EVC2: variants seen among roughly 807,000 people sequenced by gnomAD.
EVC2 encodes the protein EvC ciliary complex subunit 2, also known as limbin.
In EVC2, 148 loss-of-function variants were observed where a neutral mutation model predicts 149.3. That is an observed-to-expected ratio of 0.99 (90% confidence interval 0.87 to 1.14). The LOEUF (loss-of-function observed/expected upper bound fraction) is 1.14, where lower values mean the gene tolerates loss of function less well. Among genes scored for constraint, EVC2 ranks in the 50% most tolerant of loss-of-function variants. The pLI, the probability that EVC2 is intolerant of heterozygous loss-of-function variation, is 0.00. For missense variants in EVC2, 1,854 were observed against 1,627.3 expected (o/e 1.14, Z -2.40); for synonymous variants, 776 against 649.9 (o/e 1.19, Z -2.95).
intron 12 of EVC2, among the ~76,000 whole-genome samples, chr4:5,626,620 T>C (rs960085820): frequency 1.3e-5 from 2 of 152,098 alleles, no homozygotes; most frequent in African/African-American, 4.8e-5. Flanking sequence ...AGGCGTGAGC[T>C]ACTGCGCCTG....
rs148603869 is a variant in EVC2, at chr4:5,604,245, C to T, written c.2829+11177G>A. On this transcript the variant is annotated intron_variant, in intron 16 of 21. Transcript: ENST00000344408. ...TAAGGCTCACATATACAGTGAAATG[C>T]TATGCCGCTGTGAAAAGTAACAAGG... 2.6e-5 allele frequency among the ~76,000 whole-genome samples: 4 copies of T among 152,280 alleles called. No homozygotes were observed. The East Asian group carries it at 7.7e-4, about 29-fold the overall frequency.
At chr4:5,550,248 A>G (rs1721710909) in intron 21 of EVC2, among the ~76,000 whole-genome samples, 1 of 152,188 alleles carries the variant, frequency 6.6e-6, no homozygotes. Flanking sequence ...AGACAGGAAA[A>G]TGTGGGAAAG....
chr4:5,688,150 A>G (rs1720847303), intron 5 of EVC2, among the ~76,000 whole-genome samples: 1 of 152,172 alleles, frequency 6.6e-6, no homozygotes, highest in African/African-American at 2.4e-5. Context: ...TTTAAATGAG[A>G]GCCAGCAAAA....
rs199618407 is a variant in EVC2 at position 5,584,873 on chromosome 4, C to T, written c.2830-23G>A. 20 of 1,613,290 alleles carry T rather than the reference C, an allele frequency of 1.2e-5. No homozygotes were observed. In the East Asian group the frequency reaches 2.9e-4, roughly 23 times the overall value. On this transcript the variant is annotated intron_variant, in intron 16 of 21. Coordinates refer to ENST00000344408, the MANE Select transcript of EVC2 (RefSeq NM_147127.5). ...AACCTGGGAGGGGACAGGGATGGAC[C>T]CAAACCCAGAGAGCAGTGAGTAGAG...
rs73074111 is a variant in EVC2, at chr4:5,569,985, C to T, written c.3361-1345G>A. Among the ~76,000 whole-genome samples the T allele has an allele frequency of 0.035, 5,330 of 152,218 alleles. 272 individuals carry two copies. Among genetic ancestry groups the T allele is most frequent in the African/African-American group, 0.12 (4,895 of 41,490 alleles). Reference sequence around the variant, plus strand: ...CATGAGCTTCCTTCAGCCTAGAGTACATTTCTCCTAAGCTACTCTCTGTCT... The same window carrying T: ...CATGAGCTTCCTTCAGCCTAGAGTATATTTCTCCTAAGCTACTCTCTGTCT... On this transcript the variant is annotated intron_variant, in intron 19 of 21. Coordinates refer to ENST00000344408, the MANE Select transcript of EVC2 (RefSeq NM_147127.5). This position sits in a 1 kb window ranked among gnomAD's most constrained non-coding sequence, Gnocchi z 4.8.
chr4:5,632,822 T>C (rs1396916130), intron 10 of EVC2, among the ~76,000 whole-genome samples: 2 of 152,234 alleles, frequency 1.3e-5, no homozygotes, highest in East Asian at 1.9e-4. Context: ...TGAGATATTA[T>C]CTCAGAGGGA....
At chr4:5,591,119 G>C (rs1310816773) in intron 16 of EVC2, among the ~76,000 whole-genome samples, 1 of 152,108 alleles carries the variant, frequency 6.6e-6, no homozygotes, top group Non-Finnish European at 1.5e-5. Context: ...CCATGAAGGG[G>C]CATGAAGCTC....
intron 21 of EVC2, among the ~76,000 whole-genome samples, chr4:5,546,314 T>C (rs1004420164): frequency 4.6e-5 from 7 of 152,136 alleles, no homozygotes; most frequent in East Asian, 1.9e-4. Flanking sequence ...GGAACCAACC[T>C]AAATGTCCAA....
the EVC2 span, among the ~76,000 whole-genome samples, chr4:5,534,398 G>C: frequency 6.6e-6 from 1 of 152,184 alleles, no homozygotes. Flanking sequence ...TGGATAGATA[G>C]ATGAAAACAG....
Position 5,662,022 on chromosome 4 carries a change from C to A in EVC2, c.1145+1085G>T, listed in dbSNP as rs1577221612. On this transcript the variant is annotated intron_variant, in intron 9 of 21. Transcript: ENST00000344408. ...ATATTCATTAACTACATAAGAAGAA[C>A]TGAATTCAGTTCAGTACACACTCAC... Among the ~76,000 whole-genome samples, 5 of 152,310 alleles carry A rather than the reference C, an allele frequency of 3.3e-5. 1 individual carries two copies. Among genetic ancestry groups the A allele is most frequent in the Admixed American group, 3.3e-4 (5 of 15,298 alleles).
intron 16 of EVC2, among the ~76,000 whole-genome samples, chr4:5,602,512 G>A (rs1294697562): frequency 6.6e-6 from 1 of 151,968 alleles, no homozygotes. Flanking sequence ...TCTAACTATG[G>A]TGGGGGATGA....
downstream of EVC2, among the ~76,000 whole-genome samples, chr4:5,560,713 CCAA>C (rs1325061489): frequency 6.6e-6 from 1 of 152,050 alleles, no homozygotes; most frequent in African/African-American, 2.4e-5. This position sits in a 1 kb window ranked among gnomAD's most constrained non-coding sequence, Gnocchi z 4.1. Context: ...TTATTGCACA[CCAA>C]CATTTCATCA....
intron 16 of EVC2, among the ~76,000 whole-genome samples, chr4:5,588,798 TAAAC>T (rs1712529629): frequency 2.6e-5 from 4 of 152,246 alleles, no homozygotes; most frequent in Admixed American, 2.6e-4. Context: ...TTGAACATAT[TAAAC>T]AAAATTATAA....
At chr4:5,598,431 T>G (rs1444773477) in intron 16 of EVC2, among the ~76,000 whole-genome samples, 2 of 151,914 alleles carry the variant, frequency 1.3e-5, no homozygotes, top group Admixed American at 6.6e-5. Context: ...TACAACTATC[T>G]GATCTTTGAC....
At chr4:5,685,809 G>A (rs1720665836) in intron 5 of EVC2, among the ~76,000 whole-genome samples, 1 of 152,180 alleles carries the variant, frequency 6.6e-6, no homozygotes, top group Non-Finnish European at 1.5e-5. Context: ...TCATCCCATA[G>A]GTAAGTTTGG....
At chr4:5,645,848 A>G (rs888249782) in intron 9 of EVC2, among the ~76,000 whole-genome samples, 1 of 152,208 alleles carries the variant, frequency 6.6e-6, no homozygotes, top group African/African-American at 2.4e-5. Flanking sequence ...ACTGTTTTCC[A>G]CAATGATTAA....
chr4:5,546,443 T>G (rs1180264229), intron 21 of EVC2, among the ~76,000 whole-genome samples: 1 of 152,054 alleles, frequency 6.6e-6, no homozygotes, highest in African/African-American at 2.4e-5. Context: ...GAAACCATCA[T>G]TCTCAGCAAA....
downstream of EVC2, among the ~76,000 whole-genome samples, chr4:5,540,924 G>T (rs773093975): frequency 3.3e-5 from 5 of 152,160 alleles, no homozygotes; most frequent in African/African-American, 4.8e-5. Flanking sequence ...TGGCAAGCTT[G>T]TGGGGAGGCA....
chr4:5,585,892 C>T (rs370951517), intron 16 of EVC2, among the ~76,000 whole-genome samples: 2 of 152,080 alleles, frequency 1.3e-5, no homozygotes, highest in African/African-American at 4.8e-5. Context: ...GACACAGTCT[C>T]GCTCTGTCAC....
Sources: allele counts gnomAD v4.1 joint callset (sites outside exome capture counted in the v4.1 genomes callset), GRCh38; gene constraint gnomAD v4.1.1; non-coding constraint Gnocchi (gnomAD v3.1); transcripts MANE v1.5; gene names NCBI Gene and HGNC (gene_info 2026-07-23, HGNC 2026-07-21).